The following RGL1 variants were observed in gnomAD, a reference collection of about 807,000 sequenced individuals.
The protein encoded by RGL1 is ral guanine nucleotide dissociation stimulator like 1, also known as ral guanine nucleotide dissociation stimulator-like 1.
RGL1 carries 24 observed loss-of-function variants against 95.2 expected under a neutral mutation model. The observed-to-expected ratio is 0.25, with a 90% CI of 0.18 to 0.35. RGL1 has a LOEUF of 0.35. Among genes scored for constraint, RGL1 ranks in the 10% least tolerant of loss-of-function variants. RGL1 has a pLI of 1.00. For synonymous variants in RGL1, 329 were observed against 344.9 expected, an observed-to-expected ratio of 0.95 and a Z score of 0.51; for missense variants, 715 against 936.3, an observed-to-expected ratio of 0.76 and a Z score of 3.08.
chr1:183,637,488 T>C (rs545182841), intron 1 of RGL1, among the ~76,000 whole-genome samples: 1 of 152,310 alleles, frequency 6.6e-6, no homozygotes, highest in South Asian at 2.1e-4. Flanking sequence ...AAATTAAATA[T>C]TTGTTGGATA....
At chr1:183,685,721 C>CAGAT (rs1203799188) in intron 1 of RGL1, among the ~76,000 whole-genome samples, 1 of 152,112 alleles carries the variant, frequency 6.6e-6, no homozygotes, top group East Asian at 1.9e-4. Flanking sequence ...AGTATATGAT[C>CAGAT]AGATAATAAT....
intron 1 of RGL1, 32 bp from the exon 2 acceptor site, chr1:183,806,343 C>A (rs1386044715): frequency 1.3e-6 from 2 of 1,560,464 alleles, no homozygotes; most frequent in Non-Finnish European, 1.8e-6. Context: ...AAAAAATACT[C>A]TTTTTCTTTC....
intron 2 of RGL1, among the ~76,000 whole-genome samples, chr1:183,747,738 G>A (rs955073337): frequency 1.3e-5 from 2 of 152,186 alleles, no homozygotes; most frequent in Admixed American, 1.3e-4. Context: ...CGGTTTGCCA[G>A]TATTTTATTG....
intron 2 of RGL1, among the ~76,000 whole-genome samples, chr1:183,752,416 G>A (rs548121725): frequency 4.6e-5 from 7 of 152,034 alleles, no homozygotes; most frequent in East Asian, 3.9e-4. Context: ...TAGTACAGAC[G>A]GGGTCTCACC....
intron 1 of RGL1, among the ~76,000 whole-genome samples, chr1:183,672,696 A>T (rs1020071431): frequency 1.3e-5 from 2 of 152,218 alleles, no homozygotes; most frequent in African/African-American, 4.8e-5. Context: ...AAATGTTCTT[A>T]TAGACTATAA....
chr1:183,771,562 G>A (rs908250895), intron 2 of RGL1, among the ~76,000 whole-genome samples: 1 of 152,218 alleles, frequency 6.6e-6, no homozygotes, highest in Non-Finnish European at 1.5e-5. Flanking sequence ...CTTAAACGCT[G>A]AAATGTTTCC....
rs552198919 is a variant in RGL1, at chr1:183,695,365, C to T, written c.-32-46761C>T. The stretch of plus-strand genomic sequence containing the variant: ...TAGTCCAGGGTTAATATGTCACTTA[C>T]TATCACTAATGAGAGACTGTACTTG... On this transcript the variant is annotated intron_variant, in intron 1 of 18. Transcript: ENST00000304685. 2.6e-5 allele frequency among the ~76,000 whole-genome samples: 4 copies of T among 152,314 alleles called. No homozygotes were observed. In the South Asian group the frequency reaches 6.2e-4, roughly 24 times the overall value.
At chr1:183,658,068 G>C (rs1040186018) in intron 1 of RGL1, among the ~76,000 whole-genome samples, 1 of 152,074 alleles carries the variant, frequency 6.6e-6, no homozygotes, top group Non-Finnish European at 1.5e-5. Flanking sequence ...GGAATTTTTC[G>C]GGGGTGGAGC....
chr1:183,752,696 CTCTCTCTCTT>C (rs1475303059), intron 2 of RGL1, among the ~76,000 whole-genome samples: 2 of 148,348 alleles, frequency 1.3e-5, no homozygotes, highest in South Asian at 2.2e-4. Context: ...CTCTCTCTCT[CTCTCTCTCTT>C]TCCCCTTTCC....
intron 1 of RGL1, among the ~76,000 whole-genome samples, chr1:183,638,787 G>C (rs1368178450): frequency 6.6e-6 from 1 of 152,132 alleles, no homozygotes; most frequent in Non-Finnish European, 1.5e-5. Flanking sequence ...AAGCAGGACC[G>C]AATCTGAATT....
intron 4 of RGL1, among the ~76,000 whole-genome samples, chr1:183,878,772 C>G (rs1318374525): frequency 6.6e-6 from 1 of 152,122 alleles, no homozygotes; most frequent in Non-Finnish European, 1.5e-5. Flanking sequence ...TCTGGGTGTT[C>G]TTTTCAGTGA....
rs12061178 is a variant in RGL1 at position 183,791,918 on chromosome 1, A to C, written c.133-14457A>C. Among the ~76,000 whole-genome samples the C allele has an allele frequency of 1.8e-3, 273 of 152,310 alleles. 6 individuals carry two copies. In the East Asian group the frequency reaches 0.042, roughly 23 times the overall value. The stretch of plus-strand genomic sequence containing the variant: ...CTCTTTTTAGACTGCTTCTCTTCAA[A>C]ATAAGAATCATGTGAATTCATGGTT... On this transcript the variant is annotated intron_variant, in intron 2 of 18. Coordinates refer to the RGL1 transcript ENST00000304685.
chr1:183,648,514 T>C (rs755754789), intron 1 of RGL1: 23 of 1,614,090 alleles, frequency 1.4e-5, no homozygotes, highest in Non-Finnish European at 1.9e-5. Context: ...TGGATATAAT[T>C]CCCAGTGCAA....
intron 1 of RGL1, among the ~76,000 whole-genome samples, chr1:183,661,658 A>G (rs1651636758): frequency 6.7e-6 from 1 of 149,320 alleles, no homozygotes; most frequent in African/African-American, 2.6e-5. Flanking sequence ...ATTCCTTCTG[A>G]AAGTATTCCA....
intron 1 of RGL1, among the ~76,000 whole-genome samples, chr1:183,726,366 AT>A (rs1558174416): frequency 1.3e-5 from 2 of 152,062 alleles, no homozygotes; most frequent in African/African-American, 4.8e-5. Context: ...AGTATAATAG[AT>A]AAACTGCTGG....
intron 2 of RGL1, among the ~76,000 whole-genome samples, chr1:183,747,594 C>A (rs1423730556): frequency 6.6e-6 from 1 of 152,158 alleles, no homozygotes; most frequent in African/African-American, 2.4e-5. Flanking sequence ...GTTGCCTGTT[C>A]ACTCTGATGA....
chr1:183,676,878 A>T (rs575408161), intron 1 of RGL1, among the ~76,000 whole-genome samples: 1 of 151,290 alleles, frequency 6.6e-6, no homozygotes, highest in African/African-American at 2.4e-5. Context: ...GCAGTATTTT[A>T]TAATATTTTT....
At chr1:183,789,667 T>C (rs577406918) in intron 2 of RGL1, among the ~76,000 whole-genome samples, 1 of 152,104 alleles carries the variant, frequency 6.6e-6, no homozygotes, top group Non-Finnish European at 1.5e-5. Context: ...TTACCTCTAC[T>C]GATTTCTGCT....
At chr1:183,882,510 A>G (rs1666880610) in intron 5 of RGL1, among the ~76,000 whole-genome samples, 1 of 152,322 alleles carries the variant, frequency 6.6e-6, no homozygotes, top group Middle Eastern at 3.4e-3. Flanking sequence ...TGATGAAATT[A>G]GATTGCTTAA....
Sources: allele counts gnomAD v4.1 joint callset (sites outside exome capture counted in the v4.1 genomes callset), GRCh38; gene constraint gnomAD v4.1.1; transcripts MANE v1.5; gene names NCBI Gene and HGNC (gene_info 2026-07-23, HGNC 2026-07-21).